Variants in DNAAF6 observed in about 807,000 individuals in gnomAD.
DNAAF6 encodes the protein dynein axonemal assembly factor 6.
In DNAAF6, 3 loss-of-function variants were observed where a neutral mutation model predicts 13.7. That is an observed-to-expected ratio of 0.22 (90% CI 0.10 to 0.56). The LOEUF (loss-of-function observed/expected upper bound fraction) is 0.56. Ranked by LOEUF, DNAAF6 falls within the 20% of genes least tolerant of loss-of-function variation. The pLI, the probability that DNAAF6 is intolerant of heterozygous loss-of-function variation, is 0.92. For synonymous variants in DNAAF6, 54 were observed against 49.2 expected, an observed-to-expected ratio of 1.10 and a Z score of -0.41; for missense variants, 130 against 151.0, an observed-to-expected ratio of 0.86 and a Z score of 0.73.
intron 6 of DNAAF6, among the ~76,000 whole-genome samples, chrX:107,241,002 A>G (rs1414406860): frequency 8.9e-6 from 1 of 112,178 alleles, no homozygotes; most frequent in Non-Finnish European, 1.9e-5. Flanking sequence ...AGTTTTCTAA[A>G]TGAAATAGTT....
At chrX:107,227,497 T>G (rs1420005213) in intron 5 of DNAAF6, among the ~76,000 whole-genome samples, 3 of 110,844 alleles carry the variant, frequency 2.7e-5, no homozygotes, top group Non-Finnish European at 3.8e-5. Flanking sequence ...TTTTTTTTTT[T>G]TGGTAGGCTT....
At chrX:107,229,782 G>GTT (rs1928343787) in intron 5 of DNAAF6, among the ~76,000 whole-genome samples, 1 of 110,859 alleles carries the variant, frequency 9.0e-6, no homozygotes, top group Non-Finnish European at 1.9e-5. Flanking sequence ...CCACTTCCCG[G>GTT]GTTCACACCA....
chrX:107,229,375 C>G (rs1051808762), intron 5 of DNAAF6, among the ~76,000 whole-genome samples: 1 of 108,379 alleles, frequency 9.2e-6, no homozygotes, highest in African/African-American at 3.4e-5. Flanking sequence ...ATCTGCCTGC[C>G]TCGGCCTTTC....
chrX:107,215,466 T>A (rs1927956191), intron 2 of DNAAF6, among the ~76,000 whole-genome samples: 1 of 111,741 alleles, frequency 8.9e-6, no homozygotes, highest in Admixed American at 9.6e-5. Flanking sequence ...GGGAAAAAAA[T>A]GTCCCAAATA....
At chrX:107,207,536 T>C (rs1026838259) in intron 1 of DNAAF6, 2 of 111,739 alleles carry the variant, frequency 1.8e-5, no homozygotes, top group African/African-American at 6.5e-5. Flanking sequence ...GGAGGAGTCA[T>C]TACTCCTTAA....
intron 5 of DNAAF6, among the ~76,000 whole-genome samples, chrX:107,232,557 CA>C (rs1367279777): frequency 9.0e-6 from 1 of 111,248 alleles, no homozygotes; most frequent in Non-Finnish European, 1.9e-5. Flanking sequence ...TTGTATTGTA[CA>C]TTAGAAGGTG....
chrX:107,228,560 A>G (rs940318230), intron 5 of DNAAF6, among the ~76,000 whole-genome samples: 6 of 110,044 alleles, frequency 5.5e-5, no homozygotes, highest in African/African-American at 9.9e-5. Flanking sequence ...AAAAAAAAAA[A>G]GTAGTCATGG....
At chrX:107,230,832 A>G (rs1056570492) in intron 5 of DNAAF6, among the ~76,000 whole-genome samples, 6 of 111,580 alleles carry the variant, frequency 5.4e-5, no homozygotes, top group African/African-American at 2.0e-4. Flanking sequence ...ATCCAATGTG[A>G]CACTTTCTTC....
At chrX:107,210,513 G>C (rs1927829450) in intron 1 of DNAAF6, among the ~76,000 whole-genome samples, 1 of 110,635 alleles carries the variant, frequency 9.0e-6, no homozygotes, top group Non-Finnish European at 1.9e-5. Context: ...CCATCTCTGG[G>C]ACTCAAGCAA....
intron 2 of DNAAF6, among the ~76,000 whole-genome samples, chrX:107,216,301 A>G (rs1927981104): frequency 8.9e-6 from 1 of 111,820 alleles, no homozygotes; most frequent in Non-Finnish European, 1.9e-5. Context: ...ACAACCAGAC[A>G]CTGCTAAACC....
At chrX:107,235,273 T>C (rs1928488567) in intron 5 of DNAAF6, among the ~76,000 whole-genome samples, 1 of 111,684 alleles carries the variant, frequency 9.0e-6, no homozygotes, top group African/African-American at 3.3e-5. Context: ...GGCAGATATT[T>C]GAAATAAAGT....
rs141841120 is a variant in DNAAF6, at chrX:107,225,742, G to A, written c.429+2901G>A. 4.7e-3 allele frequency among the ~76,000 whole-genome samples: 525 copies of A among 111,336 alleles called. 4 individuals are homozygous for A. Among genetic ancestry groups the A allele is most frequent in the African/African-American group, 0.016 (489 of 30,650 alleles). ...TTTATGAATCCTAAATCAAAGCAAC[G>A]GTCCTAAACAAAATTATGAATTAGG... On this transcript the variant is annotated intron_variant, in intron 5 of 6. Coordinates refer to ENST00000372453, the MANE Select transcript of DNAAF6 (RefSeq NM_173494.2).
intron 5 of DNAAF6, among the ~76,000 whole-genome samples, chrX:107,225,368 A>G (rs772370594): frequency 9.0e-6 from 1 of 111,347 alleles, no homozygotes; most frequent in South Asian, 3.8e-4. Flanking sequence ...AATCTAAGAC[A>G]TCATAAAATT....
At chrX:107,243,064 G>T in intron 6 of DNAAF6, 105 bp from the exon 7 acceptor site, 2 of 862,808 alleles carry the variant, frequency 2.3e-6, no homozygotes, top group South Asian at 2.5e-5. Flanking sequence ...ATTGGGGGGG[G>T]GTTGTTTTCT....
At chrX:107,214,890 T>C (rs1927941238) in intron 2 of DNAAF6, among the ~76,000 whole-genome samples, 1 of 111,861 alleles carries the variant, frequency 8.9e-6, no homozygotes, top group Non-Finnish European at 1.9e-5. Flanking sequence ...CTATCCCTTT[T>C]CTATATGACT....
intron 5 of DNAAF6, among the ~76,000 whole-genome samples, chrX:107,228,901 A>G (rs1300520875): frequency 1.8e-5 from 2 of 110,581 alleles, no homozygotes; most frequent in Non-Finnish European, 3.8e-5. Flanking sequence ...CATTACAGGC[A>G]TGGGCCCCCA....
At chrX:107,216,017 G>A (rs937671908) in intron 2 of DNAAF6, among the ~76,000 whole-genome samples, 17 of 111,716 alleles carry the variant, frequency 1.5e-4, no homozygotes, top group African/African-American at 5.5e-4. Flanking sequence ...GTGTATGCTT[G>A]TGCAGAAGAT....
At chrX:107,237,432 C>A (rs1273205469) in intron 5 of DNAAF6, among the ~76,000 whole-genome samples, 1 of 112,149 alleles carries the variant, frequency 8.9e-6, no homozygotes, top group Non-Finnish European at 1.9e-5. Context: ...TATATATAGA[C>A]ATCAACTTCC....
intron 5 of DNAAF6, among the ~76,000 whole-genome samples, chrX:107,224,651 G>A (rs1928216470): frequency 9.1e-6 from 1 of 110,364 alleles, no homozygotes; most frequent in Non-Finnish European, 1.9e-5. Flanking sequence ...TGTGGGGATG[G>A]TTAATGGGTA....
Sources: allele counts gnomAD v4.1 joint callset (sites outside exome capture counted in the v4.1 genomes callset), GRCh38; gene constraint gnomAD v4.1.1; transcripts MANE v1.5; gene names NCBI Gene and HGNC (gene_info 2026-07-23, HGNC 2026-07-21).